The following GADL1 variants were observed in gnomAD, a reference collection of about 807,000 sequenced individuals.
GADL1 encodes the protein GAD like acidic amino acid decarboxylase 1.
Under a neutral mutation model 69.5 loss-of-function variants are expected in GADL1, and 71 were observed. The ratio of observed to expected loss-of-function variants is 1.02; its 90% CI spans 0.84 to 1.25. The LOEUF is 1.25. Ranked by LOEUF, GADL1 falls within the 50% of genes most tolerant of loss-of-function variation. The pLI is 0.00. For synonymous variants in GADL1, 254 were observed against 214.4 expected (o/e 1.18, Z -1.62); for missense variants, 737 against 631.8 (o/e 1.17, Z -1.79).
intron 14 of GADL1, among the ~76,000 whole-genome samples, chr3:30,756,276 C>T (rs1348210292): frequency 2.0e-5 from 3 of 152,144 alleles, no homozygotes; most frequent in Non-Finnish European, 4.4e-5. Flanking sequence ...GATCTGGCCT[C>T]AGTTTCCTCC....
chr3:30,778,186 A>G lies in GADL1; in HGVS notation c.1385T>C (p.Leu462Pro). Residue 462 changes from leucine (L) to proline (P), a missense_variant, in exon 14 of 15, where the codon CTT becomes CCT. Coordinates refer to ENST00000282538, the MANE Select transcript of GADL1 (RefSeq NM_207359.3). ...MEEGPEFWAK[L>P]NLVAPAIKER... The stretch of plus-strand genomic sequence containing the variant: ...CATTTACTTATTACTTACCAAATTA[A>G]GTTTTGCCCAGAACTCGGGTCCTTC... 5.0e-6 allele frequency: 8 copies of G among 1,590,188 alleles called. No individual in the cohort carries two copies. The highest frequency in any genetic ancestry group is 6.9e-6 in the Non-Finnish European group (8 of 1,158,758).
intron 12 of GADL1, among the ~76,000 whole-genome samples, chr3:30,793,068 C>T (rs533502321): frequency 1.8e-4 from 28 of 152,192 alleles, no homozygotes; most frequent in South Asian, 1.0e-3. Flanking sequence ...ATGAGTACTT[C>T]GAATCTCTAG....
intron 14 of GADL1, among the ~76,000 whole-genome samples, chr3:30,765,630 G>C (rs1696258110): frequency 1.3e-5 from 2 of 152,162 alleles, no homozygotes; most frequent in Admixed American, 1.3e-4. Flanking sequence ...ATGCTCAGCT[G>C]TCAGCATCTT....
chr3:30,867,439 T>TATATATATATATATATATATATATACAC (rs1319135425), intron 1 of GADL1, among the ~76,000 whole-genome samples: 249 of 138,790 alleles, frequency 1.8e-3, no homozygotes, highest in Middle Eastern at 3.8e-3. Flanking sequence ...TATATATATA[T>TATATATATATATATATATATATATACAC]ACACATATAT....
intron 11 of GADL1, among the ~76,000 whole-genome samples, chr3:30,818,283 G>C (rs535088041): frequency 3.0e-4 from 46 of 152,256 alleles, no homozygotes; most frequent in African/African-American, 1.1e-3. Flanking sequence ...TTTACCTGTC[G>C]TGAGAACTTA....
intron 11 of GADL1, among the ~76,000 whole-genome samples, chr3:30,804,187 A>G (rs1337179791): frequency 6.6e-6 from 1 of 152,222 alleles, no homozygotes; most frequent in East Asian, 1.9e-4. Flanking sequence ...TGAATCCGGT[A>G]CTAAGTAATA....
At chr3:30,768,559 GAAGGGGT>G (rs1696341902) in intron 14 of GADL1, among the ~76,000 whole-genome samples, 6 of 85,558 alleles carry the variant, frequency 7.0e-5, no homozygotes, top group Middle Eastern at 5.5e-3. Context: ...GGGGGAGAGA[GAAGGGGT>G]GGGGAGGGGG....
At chr3:30,868,379 C>T (rs898274434) in intron 1 of GADL1, among the ~76,000 whole-genome samples, 2 of 152,026 alleles carry the variant, frequency 1.3e-5, no homozygotes, top group Admixed American at 1.3e-4. Flanking sequence ...ACTCATATTT[C>T]CCATGCTCTG....
At chr3:30,863,864 TG>T (rs1366764553) in intron 1 of GADL1, among the ~76,000 whole-genome samples, 1 of 152,046 alleles carries the variant, frequency 6.6e-6, no homozygotes, top group Non-Finnish European at 1.5e-5. Context: ...ACTTTAATTC[TG>T]TTATTGGCAA....
At chr3:30,863,981 C>T (rs1698359326) in intron 1 of GADL1, among the ~76,000 whole-genome samples, 2 of 152,026 alleles carry the variant, frequency 1.3e-5, no homozygotes. Context: ...TGTCCTCTCA[C>T]TGAAAAAGAA....
intron 14 of GADL1, among the ~76,000 whole-genome samples, chr3:30,740,832 C>T (rs1215414856): frequency 6.7e-6 from 1 of 149,564 alleles, no homozygotes; most frequent in African/African-American, 2.5e-5. Flanking sequence ...TTACGTGTTG[C>T]AAGTTATCTG....
intron 12 of GADL1, among the ~76,000 whole-genome samples, chr3:30,792,811 A>C (rs1318059590): frequency 6.6e-6 from 1 of 152,176 alleles, no homozygotes; most frequent in East Asian, 1.9e-4. Flanking sequence ...TTAGGTAAGA[A>C]TATTTTCCCC....
At chr3:30,846,764 T>C (rs1698065592) in intron 6 of GADL1, among the ~76,000 whole-genome samples, 1 of 152,172 alleles carries the variant, frequency 6.6e-6, no homozygotes. Flanking sequence ...CTCTGCAGGA[T>C]GTCCTACGAA....
At chr3:30,750,493 C>T (rs528116832) in intron 14 of GADL1, among the ~76,000 whole-genome samples, 1 of 152,154 alleles carries the variant, frequency 6.6e-6, no homozygotes, top group African/African-American at 2.4e-5. Flanking sequence ...CCAGGTCTAC[C>T]GAGATGCCCA....
At chr3:30,859,772 C>G (rs1011447422) in intron 2 of GADL1, among the ~76,000 whole-genome samples, 4 of 151,928 alleles carry the variant, frequency 2.6e-5, no homozygotes, top group African/African-American at 9.7e-5. Context: ...TAATGGTGCT[C>G]TGTTGGATCT....
At chr3:30,873,543 C>G (rs998408932) in intron 1 of GADL1, among the ~76,000 whole-genome samples, 2 of 151,688 alleles carry the variant, frequency 1.3e-5, no homozygotes, top group Non-Finnish European at 2.9e-5. Context: ...CCACACTAAA[C>G]TATTTGGATA....
chr3:30,728,302 C>T lies in GADL1; in HGVS notation c.1506G>A (p.Val502=), dbSNP rs998402965. 1.9e-6 allele frequency: 3 copies of T among 1,613,910 alleles called. No homozygotes were observed. Among genetic ancestry groups the T allele is most frequent in the Non-Finnish European group, 2.5e-6 (3 of 1,179,840 alleles). Residue 502 remains valine (V), a synonymous_variant, in exon 15 of 15, where the codon GTG becomes GTA. Transcript: ENST00000282538. ...FFRQVVISPQ[V]SREDMDFLLD... ...GGAGGAAGTCCATGTCCTCCCGGCT[C>T]ACTTGAGGGCTGATCACCACCTGGC...
chr3:30,766,117 C>A (rs556353114), intron 14 of GADL1, among the ~76,000 whole-genome samples: 2 of 152,246 alleles, frequency 1.3e-5, no homozygotes, highest in East Asian at 3.9e-4. Context: ...AAATGGCTTA[C>A]AAAAGACTGC....
Position 30,803,917 on chromosome 3 carries a change from G to A in GADL1, c.1051-2829C>T, listed in dbSNP as rs547578578. 2.4e-4 allele frequency among the ~76,000 whole-genome samples: 37 copies of A among 152,256 alleles called. 1 individual carries two copies. The South Asian group carries it at 6.4e-3, about 26-fold the overall frequency. On this transcript the variant is annotated intron_variant, in intron 11 of 14. Transcript: ENST00000282538. ...GTTATTATTGTGCTATCAAAGAGAA[G>A]CACCATATTTATCTTGCTCATCTTC...
Sources: gnomAD v4.1 joint callset for allele counts (sites outside exome capture counted in the v4.1 genomes callset) on GRCh38, gnomAD v4.1.1 for gene constraint, MANE v1.5 for transcripts, NCBI Gene and HGNC (gene_info 2026-07-23, HGNC 2026-07-21) for gene names.